The following RMDN1 variants were observed in gnomAD, a reference collection of about 807,000 sequenced individuals.
RMDN1 encodes regulator of microtubule dynamics 1.
Under a neutral mutation model 48.9 loss-of-function variants are expected in RMDN1, and 48 were observed. The observed-to-expected ratio is 0.98, with a 90% CI of 0.78 to 1.25. RMDN1 has a LOEUF of 1.25. Ranked by LOEUF, RMDN1 falls within the 50% of genes most tolerant of loss-of-function variation. RMDN1 has a pLI of 0.00. For synonymous variants in RMDN1, 148 were observed against 132.6 expected (o/e 1.12, Z -0.80); for missense variants, 418 against 373.4 (o/e 1.12, Z -0.98).
rs1260318849 is a variant in RMDN1, at chr8:86,472,543, T to A, written c.*1765A>T. The A allele has an allele frequency of 2.9e-6, 2 of 695,308 alleles. No homozygotes were observed. The highest frequency in any genetic ancestry group is 4.2e-5 in the Admixed American group (2 of 47,976). 43.1% of individuals were successfully genotyped at this position (695,308 alleles called of 1,614,324 possible). On this transcript the variant is annotated 3_prime_UTR_variant, in exon 10 of 10. Transcript: ENST00000406452. The stretch of plus-strand genomic sequence containing the variant: ...AATACAGCATCATTAAGTGGGAAAC[T>A]GAAAGCCTGCCATTGTTGTTGCCGT...
At chr8:86,477,382 A>G in intron 7 of RMDN1, 58 bp from the exon 8 acceptor site, 1 of 1,361,714 alleles carries the variant, frequency 7.3e-7, no homozygotes, top group Middle Eastern at 1.9e-4. Context: ...GACAATATTA[A>G]AAAAGCATTG....
chr8:86,506,825 G>A (rs1819441170), intron 2 of RMDN1, among the ~76,000 whole-genome samples, 170 bp downstream of exon 2: 1 of 152,164 alleles, frequency 6.6e-6, no homozygotes, highest in South Asian at 2.1e-4. Context: ...CAGTAGGTTG[G>A]CAGTTAGGCA....
chr8:86,482,069 C>A, intron 5 of RMDN1: 2 of 637,606 alleles, frequency 3.1e-6, no homozygotes, highest in South Asian at 3.7e-5. Flanking sequence ...CTAAAGCTCA[C>A]GCGGCACGCA....
At chr8:86,494,957 C>G in intron 2 of RMDN1, 1 of 426,814 alleles carries the variant, frequency 2.3e-6, no homozygotes, top group Non-Finnish European at 4.6e-6. Flanking sequence ...CTCAGTGACA[C>G]AGCGAGACTC....
chr8:86,488,941 A>T (rs1192693599), intron 2 of RMDN1, among the ~76,000 whole-genome samples: 1 of 152,216 alleles, frequency 6.6e-6, no homozygotes, highest in Non-Finnish European at 1.5e-5. Context: ...ATAGCTGATG[A>T]GCTAAAAAAA....
At chr8:86,481,284 C>G (rs994233232) in intron 5 of RMDN1, among the ~76,000 whole-genome samples, 1 of 152,082 alleles carries the variant, frequency 6.6e-6, no homozygotes. Flanking sequence ...TGAGTTTTTT[C>G]TCTTTTATGG....
At position 86,493,035 on chromosome 8, in the gene RMDN1, T is replaced by C. The variant is rs1033463777; in HGVS notation, c.248-4396A>G. On this transcript the variant is annotated intron_variant, in intron 2 of 9. Transcript: ENST00000406452. ...AAAAAAACAGCAAATGGAAGAGATA[T>C]AGGACAAAGAAAAACTTCTAAGGGC... Among the ~76,000 whole-genome samples, 7 of 151,170 alleles carry C rather than the reference T, an allele frequency of 4.6e-5. No individual in the cohort carries two copies. In the East Asian group the frequency reaches 9.7e-4, roughly 21 times the overall value.
In RMDN1 at chr8:86,486,662, T is replaced by G. The variant is rs746979676; in HGVS notation, c.336-19A>C. 6.3e-7 allele frequency: 1 copy of G among 1,579,766 alleles called. No individual in the cohort carries two copies. Among genetic ancestry groups the G allele is most frequent in the South Asian group, 1.2e-5 (1 of 86,192 alleles). On this transcript the variant is annotated intron_variant, in intron 3 of 9. Coordinates refer to ENST00000406452, the MANE Select transcript of RMDN1 (RefSeq NM_016033.3). The stretch of plus-strand genomic sequence containing the variant: ...ATCTTCACTAATTTGAAATAAAATA[T>G]AAAACAACCATTTTAGCTCACATTT...
rs188156654 is a variant in RMDN1, at chr8:86,474,378, G to C, written c.895-20C>G. 4.1e-4 allele frequency: 638 copies of C among 1,567,390 alleles called. 3 individuals carry two copies. In the African/African-American group the frequency reaches 7.8e-3, roughly 19 times the overall value. ...CTGTATCTAAAATGGAAAAATACAT[G>C]TTATAAGTAAACAGGAGAGCTAAGA... On this transcript the variant is annotated intron_variant, in intron 9 of 9. Transcript: ENST00000406452.
chr8:86,476,748 T>A (rs376906453), intron 8 of RMDN1, among the ~76,000 whole-genome samples: 45 of 152,362 alleles, frequency 3.0e-4, no homozygotes, highest in African/African-American at 9.4e-4. Flanking sequence ...CAGGCTGTAG[T>A]GCAGTGGTGC....
At chr8:86,482,297 G>A (rs1814628555) in intron 5 of RMDN1, 3 of 302,334 alleles carry the variant, frequency 9.9e-6, no homozygotes, top group Non-Finnish European at 1.9e-5. Context: ...AGCTACTTGG[G>A]AGGCTGAGGC....
At position 86,472,510 on chromosome 8, in the gene RMDN1, C is replaced by T. The variant is rs775813564; in HGVS notation, c.*1798G>A. 1.4e-6 allele frequency: 1 copy of T among 700,942 alleles called. No individual in the cohort carries two copies. Among genetic ancestry groups the T allele is most frequent in the Non-Finnish European group, 2.6e-6 (1 of 384,698 alleles). 43.4% of individuals were successfully genotyped at this position (700,942 alleles called of 1,614,324 possible). ...AAAATAAAATTACAGTATACAATAA[C>T]CTTTTAAAATACAGCATCATTAAGT... On this transcript the variant is annotated 3_prime_UTR_variant, in exon 10 of 10. Coordinates refer to ENST00000406452, the MANE Select transcript of RMDN1 (RefSeq NM_016033.3).
At chr8:86,504,535 T>G (rs942199058) in intron 2 of RMDN1, 6 of 1,388,066 alleles carry the variant, frequency 4.3e-6, no homozygotes, top group Non-Finnish European at 6.1e-6. Flanking sequence ...TAATACTATC[T>G]TCACTGTAGT....
chr8:86,506,677 A>G (rs1819417379), intron 2 of RMDN1, among the ~76,000 whole-genome samples: 1 of 152,138 alleles, frequency 6.6e-6, no homozygotes, highest in Non-Finnish European at 1.5e-5. Flanking sequence ...CTTGCTGATA[A>G]CGGTATCTTG....
At chr8:86,487,187 C>T (rs1451418860) in intron 3 of RMDN1, among the ~76,000 whole-genome samples, 1 of 152,182 alleles carries the variant, frequency 6.6e-6, no homozygotes, top group Non-Finnish European at 1.5e-5. Context: ...GAATACCATG[C>T]CATGATGCAT....
intron 2 of RMDN1, among the ~76,000 whole-genome samples, chr8:86,497,861 T>A (rs1002171432): frequency 1.1e-4 from 16 of 152,062 alleles, no homozygotes; most frequent in Non-Finnish European, 2.4e-4. Context: ...TTTGGGAGGC[T>A]GAGGCAGGCA....
chr8:86,468,617 A>T (rs1272693667), downstream of RMDN1: 3 of 449,340 alleles, frequency 6.7e-6, no homozygotes, highest in Non-Finnish European at 1.3e-5. Flanking sequence ...AGCAGATTTG[A>T]CTGAAGAAGG....
chr8:86,500,978 T>A (rs1003263670), intron 2 of RMDN1, among the ~76,000 whole-genome samples: 14 of 152,166 alleles, frequency 9.2e-5, no homozygotes, highest in Non-Finnish European at 1.6e-4. Context: ...TTTCACTTGT[T>A]AACTGGGCAC....
intron 7 of RMDN1, chr8:86,478,658 A>T (rs1813809439): frequency 2.4e-6 from 1 of 422,232 alleles, no homozygotes; most frequent in East Asian, 4.7e-5. Flanking sequence ...TAGATTTCAA[A>T]CAGAAAATGA....
Sources: allele counts gnomAD v4.1 joint callset (sites outside exome capture counted in the v4.1 genomes callset), GRCh38; gene constraint gnomAD v4.1.1; transcripts MANE v1.5; gene names NCBI Gene and HGNC (gene_info 2026-07-23, HGNC 2026-07-21).